The following AGAP1 variants were observed in gnomAD, a reference collection of about 807,000 sequenced individuals.
AGAP1 encodes ArfGAP with GTPase domain, ankyrin repeat and PH domain 1.
Under a neutral mutation model 105.3 loss-of-function variants are expected in AGAP1, and 29 were observed. The ratio of observed to expected loss-of-function variants is 0.28; its 90% CI spans 0.21 to 0.38. AGAP1 has a LOEUF of 0.38. Among genes scored for constraint, AGAP1 ranks in the 10% least tolerant of loss-of-function variants. The probability of loss-of-function intolerance (pLI) is 1.00; values close to 1 mark genes in which losing one functional copy is unlikely to be tolerated. For synonymous variants in AGAP1, 509 were observed against 485.9 expected (o/e 1.05, Z -0.63); for missense variants, 998 against 1,165.1 (o/e 0.86, Z 2.09).
intron 12 of AGAP1, among the ~76,000 whole-genome samples, chr2:235,950,887 C>CTTTTTTTTTT (rs200110792): frequency 3.4e-5 from 4 of 118,258 alleles, no homozygotes; most frequent in East Asian, 2.8e-4. Flanking sequence ...TCTCCAAGCA[C>CTTTTTTTTTT]TTTTTTTTTT....
At chr2:235,616,022 A>G (rs1371570886) in intron 1 of AGAP1, among the ~76,000 whole-genome samples, 1 of 152,218 alleles carries the variant, frequency 6.6e-6, no homozygotes, top group Non-Finnish European at 1.5e-5. Context: ...CAATTAAGAT[A>G]TAAATATATT....
intron 1 of AGAP1, among the ~76,000 whole-genome samples, chr2:235,619,338 C>T (rs767068036): frequency 6.6e-6 from 1 of 151,652 alleles, no homozygotes; most frequent in South Asian, 2.1e-4. Flanking sequence ...GGGATTCAAA[C>T]CTGGGGCTGA....
intron 1 of AGAP1, among the ~76,000 whole-genome samples, chr2:235,638,811 T>C (rs968946185): frequency 4.6e-5 from 7 of 152,170 alleles, no homozygotes; most frequent in African/African-American, 1.7e-4. Flanking sequence ...AGGGCTGGCG[T>C]GGGCCTCAGG....
intron 1 of AGAP1, among the ~76,000 whole-genome samples, chr2:235,507,834 G>A (rs1307595910): frequency 6.6e-6 from 1 of 152,066 alleles, no homozygotes; most frequent in Non-Finnish European, 1.5e-5. Context: ...AGTTTCAGGG[G>A]TACACATGCA....
chr2:235,592,380 G>A (rs988602817), intron 1 of AGAP1, among the ~76,000 whole-genome samples: 1 of 152,114 alleles, frequency 6.6e-6, no homozygotes, highest in Non-Finnish European at 1.5e-5. Context: ...GGATGGTGAA[G>A]GAGGAGTAGA....
chr2:235,508,941 G>T (rs1441326702), intron 1 of AGAP1, among the ~76,000 whole-genome samples: 3 of 152,228 alleles, frequency 2.0e-5, no homozygotes, highest in Non-Finnish European at 4.4e-5. Flanking sequence ...GCACGGGCGG[G>T]ATGCCGAGTG....
At chr2:235,772,088 G>A (rs992917663) in intron 6 of AGAP1, among the ~76,000 whole-genome samples, 1 of 148,230 alleles carries the variant, frequency 6.7e-6, no homozygotes. Context: ...CTCCGCCTCC[G>A]AGTTCAAGTG....
intron 8 of AGAP1, among the ~76,000 whole-genome samples, chr2:235,806,543 C>T (rs1179787476): frequency 1.3e-5 from 2 of 152,106 alleles, no homozygotes; most frequent in Admixed American, 1.3e-4. Flanking sequence ...ACTCGTCGTC[C>T]GCAGCACGTC....
At chr2:235,682,890 ACTCAT>A in intron 1 of AGAP1, among the ~76,000 whole-genome samples, 1 of 151,578 alleles carries the variant, frequency 6.6e-6, no homozygotes, top group South Asian at 2.1e-4. Flanking sequence ...TTGTTGATGG[ACTCAT>A]CTCACCCCCT....
chr2:235,915,357 T>C (rs1378819652), intron 11 of AGAP1, among the ~76,000 whole-genome samples: 2 of 152,222 alleles, frequency 1.3e-5, no homozygotes, highest in East Asian at 3.9e-4. Flanking sequence ...TTATTAATGA[T>C]ACTCATAAAA....
rs1398706824 is a variant in AGAP1, at chr2:235,670,747, G to T, written c.164-38432G>T. The T allele has an allele frequency of 7.3e-6, 7 of 964,206 alleles. No homozygotes were observed. In the Admixed American group the frequency reaches 1.5e-4, roughly 21 times the overall value. 59.7% of individuals were successfully genotyped at this position (964,206 alleles called of 1,614,324 possible). On this transcript the variant is annotated intron_variant, in intron 1 of 17. Coordinates refer to ENST00000304032, the MANE Select transcript of AGAP1 (RefSeq NM_001037131.3). ...GCAACACCCTGGACGTGGGCGAGGTGCTCAGCAAGAACGACGCGCTCTCGG... is the reference window on the plus strand; with the variant it reads ...GCAACACCCTGGACGTGGGCGAGGTTCTCAGCAAGAACGACGCGCTCTCGG...
rs895360894 is a variant in AGAP1 at position 235,961,932 on chromosome 2, G to A, written c.1484-6530G>A. Among the ~76,000 whole-genome samples, 1 of 152,200 alleles carries A rather than the reference G, an allele frequency of 6.6e-6. No homozygotes were observed. Among genetic ancestry groups the A allele is most frequent in the Non-Finnish European group, 1.5e-5 (1 of 68,022 alleles). On this transcript the variant is annotated intron_variant, in intron 12 of 17. Coordinates refer to ENST00000304032, the MANE Select transcript of AGAP1 (RefSeq NM_001037131.3). The surrounding 1 kb of genome is among the most constrained non-coding windows in gnomAD (Gnocchi z 5.9). Reference sequence around the variant, plus strand: ...TGCCGGGTGCTGGGTGAGCGAGGGTGGGTGAGCATCCATTTCCCAGGGGAG... The same window carrying A: ...TGCCGGGTGCTGGGTGAGCGAGGGTAGGTGAGCATCCATTTCCCAGGGGAG...
intron 3 of AGAP1, 117 bp downstream of exon 3, chr2:235,717,761 C>T: frequency 1.1e-6 from 1 of 882,746 alleles, no homozygotes; most frequent in Non-Finnish European, 1.7e-6. Context: ...ATAAAACATA[C>T]CAAGCGGTAA....
chr2:235,814,454 T>C (rs979229119), intron 9 of AGAP1, among the ~76,000 whole-genome samples: 1 of 152,222 alleles, frequency 6.6e-6, no homozygotes, highest in Non-Finnish European at 1.5e-5. Flanking sequence ...ATCAAAAAGA[T>C]ACTTATTTCT....
chr2:235,571,563 A>G (rs1944515290), intron 1 of AGAP1, among the ~76,000 whole-genome samples: 1 of 152,074 alleles, frequency 6.6e-6, no homozygotes. Context: ...TAAAATATTA[A>G]CCACCTACAC....
In AGAP1 at chr2:235,981,849, C is replaced by T. The variant is rs540564734; in HGVS notation, c.1645+13226C>T. On this transcript the variant is annotated intron_variant, in intron 13 of 17. Transcript: ENST00000304032. This position sits in a 1 kb window ranked among gnomAD's most constrained non-coding sequence, Gnocchi z 5.5. Reference sequence around the variant, plus strand: ...GCAGTGCTCGCCGCCTCTAACACATCTCCACGGTGACCTTCCCTTCCCTTG... The same window carrying T: ...GCAGTGCTCGCCGCCTCTAACACATTTCCACGGTGACCTTCCCTTCCCTTG... 6.6e-6 allele frequency among the ~76,000 whole-genome samples: 1 copy of T among 152,340 alleles called. No homozygotes were observed. Among genetic ancestry groups the T allele is most frequent in the South Asian group, 2.1e-4 (1 of 4,816 alleles).
At chr2:236,122,533 C>T (rs549458428) in intron 17 of AGAP1, among the ~76,000 whole-genome samples, 1 of 152,250 alleles carries the variant, frequency 6.6e-6, no homozygotes, top group East Asian at 1.9e-4. Flanking sequence ...TGAATTCACT[C>T]TTTTTCATGA....
intron 1 of AGAP1, among the ~76,000 whole-genome samples, chr2:235,704,680 A>G (rs1444422109): frequency 1.3e-5 from 2 of 152,342 alleles, no homozygotes; most frequent in African/African-American, 4.8e-5. Context: ...TCTGATTTCC[A>G]GAGTCCCGGC....
In AGAP1 at chr2:235,747,594, A is replaced by G. The variant is rs1403456170; in HGVS notation, c.538+2755A>G. ...CAGGGCTGTATTCCTCACCTGCGGG[A>G]TTCTCTTGGTCCTTCCCTAGACTTC... On this transcript the variant is annotated intron_variant, in intron 5 of 17. Transcript: ENST00000304032. This position sits in a 1 kb window ranked among gnomAD's most constrained non-coding sequence, Gnocchi z 5.0. 6.6e-6 allele frequency among the ~76,000 whole-genome samples: 1 copy of G among 152,134 alleles called. No homozygotes were observed. The highest frequency in any genetic ancestry group is 1.5e-5 in the Non-Finnish European group (1 of 68,024).
Sources: allele counts gnomAD v4.1 joint callset (sites outside exome capture counted in the v4.1 genomes callset), GRCh38; gene constraint gnomAD v4.1.1; non-coding constraint Gnocchi (gnomAD v3.1); transcripts MANE v1.5; gene names NCBI Gene and HGNC (gene_info 2026-07-23, HGNC 2026-07-21).